RNF7: variants seen among roughly 807,000 people sequenced by gnomAD.
RNF7 encodes ring finger protein 7.
Under a neutral mutation model 17.0 loss-of-function variants are expected in RNF7, and 9 were observed. The ratio of observed to expected loss-of-function variants is 0.53; its 90% CI spans 0.32 to 0.92. The LOEUF is 0.92. Ranked by LOEUF, RNF7 falls within the 40% of genes least tolerant of loss-of-function variation. The pLI, the probability that RNF7 is intolerant of heterozygous loss-of-function variation, is 0.04. For missense variants in RNF7, 87 were observed against 145.8 expected, an observed-to-expected ratio of 0.60 and a Z score of 2.08; for synonymous variants, 59 against 50.5, an observed-to-expected ratio of 1.17 and a Z score of -0.72.
chr3:141,738,460 T>C lies in RNF7; in HGVS notation c.119T>C (p.Met40Thr), dbSNP rs1403797604. 6.2e-7 allele frequency: 1 copy of C among 1,613,656 alleles called. No individual in the cohort carries two copies. The highest frequency in any genetic ancestry group is 1.1e-5 in the South Asian group (1 of 91,016). The change falls in exon 1 of 3, where the codon ATG becomes ACG. Residue 40 changes from methionine (M) to threonine (T), a missense_variant. Coordinates refer to ENST00000273480, the MANE Select transcript of RNF7 (RefSeq NM_014245.5). ...FSLKKWNAVA[M>T]WSWDVECDTC... ...CTCAAGAAGTGGAACGCGGTGGCCA[T>C]GTGGAGCTGGGACGTGGAGTGCGAT...
rs979471890 is a variant in RNF7 at position 141,746,199 on chromosome 3, ACTC to A, written c.*925_*927del. On this transcript the variant is annotated 3_prime_UTR_variant, in exon 3 of 3. Coordinates refer to ENST00000273480, the MANE Select transcript of RNF7 (RefSeq NM_014245.5). ...CCCATGTTGGCCAGGCTGGTCTCAA[ACTC>A]CTGACCTCAGGTGATTCGCCCACCT... 7.9e-5 allele frequency: 12 copies of A among 151,730 alleles called. No homozygotes were observed. Among genetic ancestry groups the A allele is most frequent in the Admixed American group, 4.6e-4 (7 of 15,218 alleles). The allele number at this position is 151,730 out of a possible 1,614,324, so 9.4% of individuals were successfully genotyped here.
chr3:141,744,523 A>G (rs2107858932), intron 2 of RNF7, among the ~76,000 whole-genome samples: 1 of 152,240 alleles, frequency 6.6e-6, no homozygotes, highest in African/African-American at 2.4e-5. Context: ...TTGTTTAAAA[A>G]GTATTAATTT....
At chr3:141,739,288 G>A (rs886185023) in intron 1 of RNF7, among the ~76,000 whole-genome samples, 1 of 152,190 alleles carries the variant, frequency 6.6e-6, no homozygotes, top group Non-Finnish European at 1.5e-5. Context: ...AGAAGATACT[G>A]TGCTGCTCTG....
chr3:141,744,597 C>G (rs2084453683), intron 2 of RNF7, among the ~76,000 whole-genome samples: 1 of 152,202 alleles, frequency 6.6e-6, no homozygotes, highest in Admixed American at 6.5e-5. Context: ...CAGCCAGCCA[C>G]TTTGAAAATT....
chr3:141,740,886 C>G (rs916174521), intron 1 of RNF7, among the ~76,000 whole-genome samples: 2 of 152,188 alleles, frequency 1.3e-5, no homozygotes, highest in Non-Finnish European at 2.9e-5. Context: ...TGGAATTTGT[C>G]TCACACACTT....
chr3:141,738,451 C>T lies in RNF7; in HGVS notation c.110C>T (p.Ala37Val). 1 of 1,613,674 alleles carries T rather than the reference C, an allele frequency of 6.2e-7. No individual in the cohort carries two copies. Among genetic ancestry groups the T allele is most frequent in the Non-Finnish European group, 8.5e-7 (1 of 1,179,776 alleles). The change falls in exon 1 of 3, where the codon GCG (alanine) becomes GTG (valine). Residue 37 changes from alanine to valine, a missense_variant. Physicochemically the swap from Ala to Val is moderately conservative, Grantham distance 64. Transcript: ENST00000273480. ...ATGTTCTCCCTCAAGAAGTGGAACGCGGTGGCCATGTGGAGCTGGGACGTG... is the reference window on the plus strand; with the variant it reads ...ATGTTCTCCCTCAAGAAGTGGAACGTGGTGGCCATGTGGAGCTGGGACGTG... ...DKMFSLKKWNAVAMWSWDVEC... is the reference protein window; with the variant it reads ...DKMFSLKKWNVVAMWSWDVEC...
At chr3:141,739,381 CTT>C (rs1253422838) in intron 1 of RNF7, among the ~76,000 whole-genome samples, 6 of 152,148 alleles carry the variant, frequency 3.9e-5, no homozygotes, top group African/African-American at 1.2e-4. Flanking sequence ...CCAAGTGAAA[CTT>C]TTCAGAACAG....
rs190114909 is a variant in RNF7, at chr3:141,743,670, C to T, written c.223+114C>T. ...CAATACACAAAAATAAACTGTAAAG[C>T]AGTGATCCATTGTTAATATAAAATA... On this transcript the variant is annotated intron_variant, in intron 2 of 2. Transcript: ENST00000273480. The T allele has an allele frequency of 1.9e-3, 1,358 of 728,416 alleles. 4 individuals carry two copies. The highest frequency in any genetic ancestry group is 3.3e-3 in the Admixed American group (120 of 36,174). The allele number at this position is 728,416 out of a possible 1,614,324, so 45.1% of individuals were successfully genotyped here. A position where few individuals can be genotyped will look rare whatever the true frequency, so the allele number is the denominator to read the frequency against.
At chr3:141,741,361 T>C (rs1386857820) in intron 1 of RNF7, among the ~76,000 whole-genome samples, 1 of 152,184 alleles carries the variant, frequency 6.6e-6, no homozygotes, top group East Asian at 1.9e-4. Flanking sequence ...GAGATAGTAA[T>C]TGTGGGATTG....
At chr3:141,741,081 C>G (rs575810521) in intron 1 of RNF7, among the ~76,000 whole-genome samples, 1 of 152,182 alleles carries the variant, frequency 6.6e-6, no homozygotes, top group East Asian at 1.9e-4. Context: ...CAGAGTAACC[C>G]TTCATGACTG....
At chr3:141,741,818 G>A (rs989091251) in intron 1 of RNF7, among the ~76,000 whole-genome samples, 1 of 152,014 alleles carries the variant, frequency 6.6e-6, no homozygotes, top group Non-Finnish European at 1.5e-5. Context: ...TTATTTTCAA[G>A]GCACCCTTTT....
rs1345362703 is a variant in RNF7, at chr3:141,746,404, T to G, written c.*1127T>G. ...AATGGTTTATTCTGCTTACCTTATT[T>G]GAATTGTCATTATAATTTTATATGC... On this transcript the variant is annotated 3_prime_UTR_variant, in exon 3 of 3. Coordinates refer to ENST00000273480, the MANE Select transcript of RNF7 (RefSeq NM_014245.5). The G allele has an allele frequency of 6.6e-6, 1 of 152,236 alleles. No individual in the cohort carries two copies. Among genetic ancestry groups the G allele is most frequent in the Non-Finnish European group, 1.5e-5 (1 of 68,028 alleles). The allele number at this position is 152,236 out of a possible 1,614,324, so 9.4% of individuals were successfully genotyped here.
Position 141,743,551 on chromosome 3 carries a change from G to A in RNF7, c.218G>A (p.Cys73Tyr). 6.2e-7 allele frequency: 1 copy of A among 1,608,788 alleles called. No individual in the cohort carries two copies. Among genetic ancestry groups the A allele is most frequent in the Non-Finnish European group, 8.5e-7 (1 of 1,177,826 alleles). The change falls in exon 2 of 3, where the codon TGT becomes TAT. Residue 73 changes from cysteine to tyrosine, a missense_variant. By Grantham distance (194) the Cys-to-Tyr change is radical. Coordinates refer to ENST00000273480, the MANE Select transcript of RNF7 (RefSeq NM_014245.5). ...CAAGCTGAAAACAAACAAGAGGACT[G>A]TGTTGGTATGTTGTAATTTTGTTCT... is the stretch of plus-strand genomic sequence containing the variant. ...RCQAENKQED[C>Y]VVVWGECNHS...
chr3:141,741,270 A>G (rs1035421922), intron 1 of RNF7, among the ~76,000 whole-genome samples: 16 of 152,184 alleles, frequency 1.1e-4, no homozygotes, highest in Non-Finnish European at 1.0e-4. Context: ...GTGTTTGTCT[A>G]CGTCCCCATT....
chr3:141,743,999 T>C (rs1461419851), intron 2 of RNF7, among the ~76,000 whole-genome samples: 6 of 152,328 alleles, frequency 3.9e-5, no homozygotes, highest in Middle Eastern at 3.4e-3. Context: ...ATTTTTGGAA[T>C]GTGGTTTGTG....
At position 141,744,501 on chromosome 3, in the gene RNF7, C is replaced by A. The variant is rs144117456; in HGVS notation, c.224-658C>A. Among the ~76,000 whole-genome samples, 45 of 152,140 alleles carry A rather than the reference C, an allele frequency of 3.0e-4. No homozygotes were observed. The East Asian group carries it at 7.9e-3, about 27-fold the overall frequency. On this transcript the variant is annotated intron_variant, in intron 2 of 2. Coordinates refer to ENST00000273480, the MANE Select transcript of RNF7 (RefSeq NM_014245.5). ...TGATTTCCCTTGTTTTAAAGTTTTT[C>A]TTTCATGCTGCTTGTTTAAAAAGTA...
At chr3:141,738,928 C>T (rs763090795) in intron 1 of RNF7, among the ~76,000 whole-genome samples, 6 of 152,224 alleles carry the variant, frequency 3.9e-5, no homozygotes, top group Non-Finnish European at 8.8e-5. Flanking sequence ...ACAAGGTGGT[C>T]AGGGTAAAGG....
rs2084483668 is a variant in RNF7, at chr3:141,747,263, TACTC to T, written c.*1988_*1991del. The T allele has an allele frequency of 6.6e-6, 1 of 152,252 alleles. No homozygotes were observed. Among genetic ancestry groups the T allele is most frequent in the Admixed American group, 6.5e-5 (1 of 15,284 alleles). 9.4% of individuals were successfully genotyped at this position (152,252 alleles called of 1,614,324 possible). On this transcript the variant is annotated 3_prime_UTR_variant, in exon 3 of 3. Transcript: ENST00000273480. Reference sequence around the variant, plus strand: ...CACAGCCATCTGAAAGTTTAATACATACTCATCAGAGGGAACATGCCGGGACAAT... The same window carrying T: ...CACAGCCATCTGAAAGTTTAATACATATCAGAGGGAACATGCCGGGACAAT...
rs1007565382 is a variant in RNF7 at position 141,747,475 on chromosome 3, C to A, written c.*2198C>A. The A allele has an allele frequency of 2.0e-5, 3 of 152,188 alleles. No homozygotes were observed. Among genetic ancestry groups the A allele is most frequent in the African/African-American group, 7.2e-5 (3 of 41,438 alleles). The allele number at this position is 152,188 out of a possible 1,614,324, so 9.4% of individuals were successfully genotyped here. ...ATCAGTAAATCTTAATTCTGTCAGTCCCATTGCTTCCTTTTTTATAAAAAT... is the reference window on the plus strand; with the variant it reads ...ATCAGTAAATCTTAATTCTGTCAGTACCATTGCTTCCTTTTTTATAAAAAT... On this transcript the variant is annotated 3_prime_UTR_variant, in exon 3 of 3. Transcript: ENST00000273480.
Sources: allele counts gnomAD v4.1 joint callset (sites outside exome capture counted in the v4.1 genomes callset), GRCh38; gene constraint gnomAD v4.1.1; transcripts MANE v1.5; gene names NCBI Gene and HGNC (gene_info 2026-07-23, HGNC 2026-07-21).